COL6A6: variants seen among roughly 807,000 people sequenced by gnomAD.
COL6A6 encodes collagen alpha-6(VI) chain.
In COL6A6, 183 loss-of-function variants were observed where a neutral mutation model predicts 208.6. That is an observed-to-expected ratio of 0.88 (90% CI 0.78 to 0.99). The LOEUF (loss-of-function observed/expected upper bound fraction) is 0.99, where lower values mean the gene tolerates loss of function less well. Among genes scored for constraint, COL6A6 ranks in the 50% least tolerant of loss-of-function variants. COL6A6 has a pLI of 0.00. For missense variants in COL6A6, 2,816 were observed against 2,815.2 expected, an observed-to-expected ratio of 1.00 and a Z score of -0.01; for synonymous variants, 973 against 1,011.8, an observed-to-expected ratio of 0.96 and a Z score of 0.73.
At chr3:130,590,948 A>C (rs183351666) in intron 12 of COL6A6, 93 bp from the exon 13 acceptor site, 1 of 902,116 alleles carries the variant, frequency 1.1e-6, no homozygotes, top group African/African-American at 1.7e-5. Context: ...TTACTATTCC[A>C]CATGAAGTAA....
chr3:130,576,182 A>G (rs1257448363), intron 8 of COL6A6, among the ~76,000 whole-genome samples: 2 of 152,098 alleles, frequency 1.3e-5, no homozygotes, highest in East Asian at 1.9e-4. Flanking sequence ...GCAATATTCC[A>G]TCCTGTGTCT....
At chr3:130,644,156 C>T (rs1056871722) in intron 31 of COL6A6, among the ~76,000 whole-genome samples, 1 of 152,140 alleles carries the variant, frequency 6.6e-6, no homozygotes, top group African/African-American at 2.4e-5. Context: ...AAATCATAAC[C>T]ATTAACTTTT....
At chr3:130,662,401 C>T (rs2065960889) in intron 35 of COL6A6, 93 bp downstream of exon 35, 2 of 1,258,808 alleles carry the variant, frequency 1.6e-6, no homozygotes, top group East Asian at 2.3e-5. Context: ...ACTTGGAAAC[C>T]TCTTGTCTGT....
intron 8 of COL6A6, among the ~76,000 whole-genome samples, chr3:130,580,250 A>G (rs969312143): frequency 3.3e-5 from 5 of 152,202 alleles, no homozygotes; most frequent in African/African-American, 1.2e-4. Flanking sequence ...TGGAAAGGAT[A>G]TATTCTGCTT....
At chr3:130,651,983 A>T (rs1196424404) in intron 33 of COL6A6, among the ~76,000 whole-genome samples, 4 of 152,152 alleles carry the variant, frequency 2.6e-5, no homozygotes, top group African/African-American at 4.8e-5. Flanking sequence ...TTTTTTGAAG[A>T]AGTTCATCTC....
chr3:130,539,180 T>C (rs917361936), intron 1 of COL6A6, among the ~76,000 whole-genome samples: 2 of 152,210 alleles, frequency 1.3e-5, no homozygotes, highest in Non-Finnish European at 2.9e-5. Context: ...GGCACTCATT[T>C]AGCCATTGCA....
At chr3:130,643,077 A>C in intron 31 of COL6A6, 54 bp downstream of exon 31, 7 of 1,579,082 alleles carry the variant, frequency 4.4e-6, no homozygotes, top group Non-Finnish European at 5.2e-6. Flanking sequence ...ATACAAGAAA[A>C]GCAGAGAAAC....
chr3:130,616,942 T>G lies in COL6A6; in HGVS notation c.4816-4879T>G, dbSNP rs57182327. Among the ~76,000 whole-genome samples the G allele has an allele frequency of 9.0e-3, 1,370 of 152,296 alleles. 25 individuals are homozygous for G. Among genetic ancestry groups the G allele is most frequent in the African/African-American group, 0.031 (1,293 of 41,568 alleles). ...TGTGAAAATTAAACCATTTAATGTA[T>G]GTAGGTGCTTAGAACATTGCCTGCA... On this transcript the variant is annotated intron_variant, in intron 23 of 36. Transcript: ENST00000358511.
intron 33 of COL6A6, among the ~76,000 whole-genome samples, chr3:130,652,514 G>C (rs760259817): frequency 1.4e-4 from 22 of 152,162 alleles, no homozygotes; most frequent in Admixed American, 7.2e-4. Context: ...ACCAGGTACT[G>C]TCCTAGGGTC....
At chr3:130,611,884 C>A (rs928285692) in intron 23 of COL6A6, among the ~76,000 whole-genome samples, 2 of 152,050 alleles carry the variant, frequency 1.3e-5, no homozygotes, top group African/African-American at 4.8e-5. Flanking sequence ...ATTTTGCCAC[C>A]CAGATAATAA....
At chr3:130,561,280 C>T (rs992783228) in intron 2 of COL6A6, among the ~76,000 whole-genome samples, 1 of 152,234 alleles carries the variant, frequency 6.6e-6, no homozygotes, top group African/African-American at 2.4e-5. Context: ...CACGGCAGGG[C>T]TCCCCTGGCA....
At chr3:130,651,512 A>C (rs1293462393) in intron 33 of COL6A6, among the ~76,000 whole-genome samples, 2 of 152,014 alleles carry the variant, frequency 1.3e-5, no homozygotes, top group South Asian at 2.1e-4. Context: ...AAATTTGTTT[A>C]ATAATAATCT....
At chr3:130,641,061 A>C (rs945848701) in intron 28 of COL6A6, among the ~76,000 whole-genome samples, 1 of 152,238 alleles carries the variant, frequency 6.6e-6, no homozygotes, top group African/African-American at 2.4e-5. Flanking sequence ...GAACTTTTTA[A>C]AAGATGATTA....
At chr3:130,592,837 T>C in intron 15 of COL6A6, 115 bp downstream of exon 15, 1 of 1,043,028 alleles carries the variant, frequency 9.6e-7, no homozygotes, top group South Asian at 1.6e-5. Flanking sequence ...CTTTCCTTTT[T>C]TATTGCCAGC....
At chr3:130,531,886 C>T (rs1014257869) in intron 1 of COL6A6, among the ~76,000 whole-genome samples, 1 of 152,136 alleles carries the variant, frequency 6.6e-6, no homozygotes, top group African/African-American at 2.4e-5. Context: ...AATTTATAAA[C>T]TATAAAAATA....
intron 27 of COL6A6, among the ~76,000 whole-genome samples, chr3:130,635,162 G>T (rs2065074412): frequency 6.6e-6 from 1 of 152,066 alleles, no homozygotes; most frequent in Non-Finnish European, 1.5e-5. Flanking sequence ...TTGAACCCAG[G>T]AGATGGAGGT....
chr3:130,664,928 C>A, intron 35 of COL6A6, 75 bp from the exon 36 acceptor site: 2 of 961,782 alleles, frequency 2.1e-6, no homozygotes, highest in Admixed American at 2.2e-5. Context: ...TAAAGTGGCA[C>A]TTTGTGTACA....
chr3:130,598,447 G>A lies in COL6A6; in HGVS notation c.4599+17G>A. Reference sequence around the variant, plus strand: ...GGAAGACAAGTAATTACGTGGGCTTGTAAAATCGTGATGCAACAACTGTGG... The same window carrying A: ...GGAAGACAAGTAATTACGTGGGCTTATAAAATCGTGATGCAACAACTGTGG... On this transcript the variant is annotated intron_variant, in intron 19 of 36. Coordinates refer to ENST00000358511, the MANE Select transcript of COL6A6 (RefSeq NM_001102608.3). 6.6e-7 allele frequency: 1 copy of A among 1,523,682 alleles called. No individual in the cohort carries two copies. The highest frequency in any genetic ancestry group is 8.9e-7 in the Non-Finnish European group (1 of 1,122,010). 94.4% of individuals were successfully genotyped at this position (1,523,682 alleles called of 1,614,324 possible).
chr3:130,671,506 C>T (rs1331418554), intron 36 of COL6A6, among the ~76,000 whole-genome samples: 3 of 152,142 alleles, frequency 2.0e-5, no homozygotes, highest in African/African-American at 4.8e-5. Flanking sequence ...TCTGTGCATT[C>T]GCCAGCCATT....
Sources: gnomAD v4.1 joint callset for allele counts (sites outside exome capture counted in the v4.1 genomes callset) on GRCh38, gnomAD v4.1.1 for gene constraint, MANE v1.5 for transcripts, NCBI Gene and HGNC (gene_info 2026-07-23, HGNC 2026-07-21) for gene names.